The following SPON1 variants were observed in gnomAD, a reference collection of about 807,000 sequenced individuals.
The protein encoded by SPON1 is spondin 1, also known as spondin-1.
A neutral mutation model predicts 111.7 loss-of-function variants in SPON1; 52 were observed. The ratio of observed to expected loss-of-function variants is 0.47; its 90% CI spans 0.37 to 0.59. SPON1 has a LOEUF of 0.59. Ranked by LOEUF, SPON1 falls within the 20% of genes least tolerant of loss-of-function variation. SPON1 has a pLI of 0.00. For missense variants in SPON1, 957 were observed against 1,068.5 expected, an observed-to-expected ratio of 0.90 and a Z score of 1.46; for synonymous variants, 410 against 395.8, an observed-to-expected ratio of 1.04 and a Z score of -0.43.
intron 2 of SPON1, among the ~76,000 whole-genome samples, chr11:13,995,668 C>A (rs545055595): frequency 1.7e-4 from 26 of 152,236 alleles, no homozygotes; most frequent in African/African-American, 5.8e-4. Context: ...CATATCATGG[C>A]CCCTGGTATT....
At chr11:14,005,680 C>A (rs1292968116) in intron 2 of SPON1, among the ~76,000 whole-genome samples, 1 of 152,038 alleles carries the variant, frequency 6.6e-6, no homozygotes, top group Non-Finnish European at 1.5e-5. Flanking sequence ...GATGTCAAAG[C>A]TGTAAAGATG....
chr11:14,110,022 C>A (rs565020444), intron 5 of SPON1, among the ~76,000 whole-genome samples: 17 of 152,192 alleles, frequency 1.1e-4, no homozygotes, highest in Non-Finnish European at 2.4e-4. Context: ...CAGACAGATT[C>A]CTTTCTGACT....
At chr11:14,182,042 T>TA (rs1188985760) in intron 6 of SPON1, among the ~76,000 whole-genome samples, 2 of 152,148 alleles carry the variant, frequency 1.3e-5, no homozygotes, top group Non-Finnish European at 2.9e-5. Flanking sequence ...CCATGACAGC[T>TA]AAAAAAATTG....
At chr11:14,147,093 G>A (rs185848123) in intron 6 of SPON1, among the ~76,000 whole-genome samples, 1,459 of 121,904 alleles carry the variant, frequency 0.012, 21 homozygotes, top group African/African-American at 0.044. Context: ...GCAGTGGTGC[G>A]ATCTTGGCTC....
chr11:14,155,408 C>T (rs925569664), intron 6 of SPON1, among the ~76,000 whole-genome samples: 11 of 152,204 alleles, frequency 7.2e-5, no homozygotes, highest in South Asian at 2.1e-4. Flanking sequence ...ACAATCATGG[C>T]GGCAGGTGAA....
chr11:14,186,967 A>G (rs1295221235), intron 6 of SPON1, among the ~76,000 whole-genome samples: 1 of 152,238 alleles, frequency 6.6e-6, no homozygotes, highest in Non-Finnish European at 1.5e-5. Flanking sequence ...ATAAAGGAAT[A>G]CCTGAGACTG....
Position 14,255,631 on chromosome 11 carries a change from G to A in SPON1, c.1093-16G>A, listed in dbSNP as rs781836653. 34 of 1,612,304 alleles carry A rather than the reference G, an allele frequency of 2.1e-5. No individual in the cohort carries two copies. The highest frequency in any genetic ancestry group is 2.9e-5 in the Non-Finnish European group (34 of 1,179,004). On this transcript the variant is annotated splice_polypyrimidine_tract_variant and intron_variant, in intron 8 of 15. Coordinates refer to ENST00000576479, the MANE Select transcript of SPON1 (RefSeq NM_006108.4). ...ATTTTATTTCTTACTCTCTACCTCT[G>A]TATGTTTTCTTGCAGTCACCCAACA...
chr11:14,213,236 A>C (rs782120727), intron 6 of SPON1, among the ~76,000 whole-genome samples: 2 of 152,230 alleles, frequency 1.3e-5, no homozygotes, highest in Non-Finnish European at 2.9e-5. Context: ...TCTGTGTCCA[A>C]ATAGGAGAGA....
intron 6 of SPON1, among the ~76,000 whole-genome samples, chr11:14,206,167 T>C (rs574167958): frequency 2.0e-4 from 31 of 152,314 alleles, no homozygotes; most frequent in African/African-American, 7.2e-4. Flanking sequence ...TTTTCCAGTA[T>C]GTGAGATGTG....
In SPON1 at chr11:14,207,736, C is replaced by T. The variant is rs139418075; in HGVS notation, c.826-35596C>T. 3.0e-3 allele frequency among the ~76,000 whole-genome samples: 445 copies of T among 146,824 alleles called. 2 individuals carry two copies. Among genetic ancestry groups the T allele is most frequent in the African/African-American group, 7.8e-3 (319 of 40,866 alleles). ...AACACATGCTGGCAAGGTTGTGGGA[C>T]GCTTATACACTATTGGTGGGAGTGT... On this transcript the variant is annotated intron_variant, in intron 6 of 15. Transcript: ENST00000576479.
intron 3 of SPON1, among the ~76,000 whole-genome samples, chr11:14,062,315 G>A (rs1472916555): frequency 2.0e-5 from 3 of 152,136 alleles, no homozygotes; most frequent in African/African-American, 7.2e-5. Context: ...GATCCCTGGT[G>A]TAATCAATTG....
intron 6 of SPON1, among the ~76,000 whole-genome samples, chr11:14,235,099 C>G (rs1276849663): frequency 1.3e-5 from 2 of 152,196 alleles, no homozygotes; most frequent in Admixed American, 6.5e-5. Flanking sequence ...TGGCACGGCT[C>G]TATGCTGGGA....
At chr11:14,031,303 AC>A (rs1848557373) in intron 2 of SPON1, among the ~76,000 whole-genome samples, 3 of 152,214 alleles carry the variant, frequency 2.0e-5, no homozygotes, top group Admixed American at 2.0e-4. Flanking sequence ...GTACATGTAC[AC>A]CCTGAAGTTG....
At chr11:14,173,798 G>A (rs1272563648) in intron 6 of SPON1, among the ~76,000 whole-genome samples, 2 of 152,188 alleles carry the variant, frequency 1.3e-5, no homozygotes, top group Admixed American at 1.3e-4. Flanking sequence ...GGTGGCTGCA[G>A]AACAGCGGAT....
intron 1 of SPON1, among the ~76,000 whole-genome samples, chr11:13,979,781 G>C (rs1185209296): frequency 6.6e-6 from 1 of 152,156 alleles, no homozygotes; most frequent in Non-Finnish European, 1.5e-5. Flanking sequence ...ATGTAAAAAG[G>C]TATTTGAAGA....
At chr11:14,040,518 G>A (rs1434483646) in intron 2 of SPON1, among the ~76,000 whole-genome samples, 1 of 152,098 alleles carries the variant, frequency 6.6e-6, no homozygotes, top group African/African-American at 2.4e-5. Context: ...ATAGAAAATG[G>A]TCTTTGCTTT....
chr11:14,159,734 A>G (rs1847888939), intron 6 of SPON1, among the ~76,000 whole-genome samples: 5 of 152,150 alleles, frequency 3.3e-5, no homozygotes, highest in Admixed American at 3.3e-4. Flanking sequence ...CATCTGCGAC[A>G]ACATGGATGG....
chr11:14,006,128 G>A (rs1405111211), intron 2 of SPON1, among the ~76,000 whole-genome samples: 1 of 152,156 alleles, frequency 6.6e-6, no homozygotes, highest in Non-Finnish European at 1.5e-5. Context: ...ATGGGACAGG[G>A]TAAGGAAAAG....
intron 6 of SPON1, among the ~76,000 whole-genome samples, chr11:14,161,223 A>ATATATCTATATATTTATATATATCTT (rs1847954916): frequency 9.8e-6 from 1 of 101,900 alleles, no homozygotes; most frequent in Non-Finnish European, 1.9e-5. Context: ...ATATATCTAT[A>ATATATCTATATATTTATATATATCTT]TATATTTATA....
Sources: allele counts gnomAD v4.1 joint callset (sites outside exome capture counted in the v4.1 genomes callset), GRCh38; gene constraint gnomAD v4.1.1; transcripts MANE v1.5; gene names NCBI Gene and HGNC (gene_info 2026-07-23, HGNC 2026-07-21).